KLHL12: variants seen among roughly 807,000 people sequenced by gnomAD.
KLHL12 encodes the protein kelch-like protein 12.
KLHL12 carries 17 observed loss-of-function variants against 60.8 expected under a neutral mutation model. The observed-to-expected ratio is 0.28, with a 90% CI of 0.19 to 0.42. The LOEUF is 0.42. Ranked by LOEUF, KLHL12 falls within the 10% of genes least tolerant of loss-of-function variation. KLHL12 has a pLI of 1.00. For missense variants in KLHL12, 468 were observed against 722.3 expected (o/e 0.65, Z 4.04); for synonymous variants, 220 against 250.9 (o/e 0.88, Z 1.16).
Position 202,899,760 on chromosome 1 carries a change from T to G in KLHL12, c.833-2800A>C, listed in dbSNP as rs550602828. Among the ~76,000 whole-genome samples the G allele has an allele frequency of 1.1e-4, 16 of 151,146 alleles. No homozygotes were observed. The South Asian group carries it at 3.4e-3, about 32-fold the overall frequency. ...AGAATCACTTGAACTGAGGAAGAGGTTGCAGTGAGCCGAGATTGCACCACT... is the reference window on the plus strand; with the variant it reads ...AGAATCACTTGAACTGAGGAAGAGGGTGCAGTGAGCCGAGATTGCACCACT... On this transcript the variant is annotated intron_variant, in intron 6 of 11. Coordinates refer to ENST00000367261, the MANE Select transcript of KLHL12 (RefSeq NM_021633.4).
intron 1 of KLHL12, 84 bp from the exon 2 acceptor site, chr1:202,925,291 C>T: frequency 6.9e-7 from 1 of 1,448,884 alleles, no homozygotes; most frequent in Non-Finnish European, 9.2e-7. Flanking sequence ...AAATTAAGAA[C>T]CTAAGAGGCT....
At chr1:202,894,076 C>A in intron 10 of KLHL12, 108 bp downstream of exon 10, 1 of 617,866 alleles carries the variant, frequency 1.6e-6, no homozygotes, top group African/African-American at 1.8e-5. Context: ...AGGAGGAGAG[C>A]AGAATCTCAT....
At chr1:202,914,664 G>C (rs1041343051) in intron 4 of KLHL12, among the ~76,000 whole-genome samples, 5 of 152,042 alleles carry the variant, frequency 3.3e-5, no homozygotes, top group Non-Finnish European at 5.9e-5. Flanking sequence ...TCAGGAGTTT[G>C]AGACGAGCCT....
chr1:202,920,755 C>T (rs1660672660), intron 2 of KLHL12, among the ~76,000 whole-genome samples: 1 of 152,092 alleles, frequency 6.6e-6, no homozygotes, highest in South Asian at 2.1e-4. Flanking sequence ...ATCTATACGC[C>T]AGGAATAAGT....
chr1:202,897,392 G>A (rs1479340269), intron 6 of KLHL12, among the ~76,000 whole-genome samples: 1 of 150,500 alleles, frequency 6.6e-6, no homozygotes, highest in South Asian at 2.1e-4. Flanking sequence ...GTGCCACCAC[G>A]CCCAGCTAAT....
Position 202,918,454 on chromosome 1 carries a change from T to C in KLHL12, c.350-66A>G, listed in dbSNP as rs1660589815. 2.5e-6 allele frequency: 3 copies of C among 1,210,130 alleles called. No individual in the cohort carries two copies. In the East Asian group the frequency reaches 7.0e-5, roughly 28 times the overall value. The allele number at this position is 1,210,130 out of a possible 1,614,324, so 75.0% of individuals were successfully genotyped here. A position where few individuals can be genotyped will look rare whatever the true frequency, so the allele number is the denominator to read the frequency against. On this transcript the variant is annotated intron_variant, in intron 3 of 11. Coordinates refer to ENST00000367261, the MANE Select transcript of KLHL12 (RefSeq NM_021633.4). ...ACAGGTGTGATCTAGGATATATTCT[T>C]GTATCTCAGCATCTTCTCTACATGT...
intron 11 of KLHL12, 131 bp from the exon 12 acceptor site, chr1:202,892,790 G>C (rs903153718): frequency 1.2e-6 from 1 of 833,232 alleles, no homozygotes; most frequent in African/African-American, 1.7e-5. Context: ...AGACCAGCCT[G>C]GGCAACATGG....
At chr1:202,926,489 T>G (rs1653562075) in intron 1 of KLHL12, among the ~76,000 whole-genome samples, 1 of 152,204 alleles carries the variant, frequency 6.6e-6, no homozygotes, top group African/African-American at 2.4e-5. Flanking sequence ...AAGCGGGTGA[T>G]TCATCAAAGC....
In KLHL12 at chr1:202,893,138, AC is replaced by A; in HGVS notation, c.1580+100del. Reference sequence around the variant, plus strand: ...AATCAAGTTGCCACTGGAGATGTCTACCCCTACCCAAGTCTTGTCTCTGTCC... The same window carrying A: ...AATCAAGTTGCCACTGGAGATGTCTACCCTACCCAAGTCTTGTCTCTGTCC... On this transcript the variant is annotated intron_variant, in intron 11 of 11. Coordinates refer to ENST00000367261, the MANE Select transcript of KLHL12 (RefSeq NM_021633.4). The surrounding 1 kb of genome is among the most constrained non-coding windows in gnomAD (Gnocchi z 4.1). 1.1e-6 allele frequency: 1 copy of A among 905,658 alleles called. No homozygotes were observed. The highest frequency in any genetic ancestry group is 1.8e-5 in the South Asian group (1 of 54,470). The allele number at this position is 905,658 out of a possible 1,614,324, so 56.1% of individuals were successfully genotyped here.
upstream of KLHL12, chr1:202,927,286 T>C (rs1571550228): frequency 5.7e-5 from 56 of 983,612 alleles, 1 homozygote; most frequent in South Asian, 1.7e-3. Flanking sequence ...AGCACCGCCC[T>C]CCCCCCGCTC....
chr1:202,927,587 A>G (rs1227108352), upstream of KLHL12, among the ~76,000 whole-genome samples: 6 of 143,102 alleles, frequency 4.2e-5, no homozygotes, highest in Admixed American at 4.3e-4. Flanking sequence ...AGAGGCTGAC[A>G]GGAGGATCAC....
intron 6 of KLHL12, among the ~76,000 whole-genome samples, chr1:202,901,724 A>G (rs1660013005): frequency 6.6e-6 from 1 of 152,146 alleles, no homozygotes; most frequent in Non-Finnish European, 1.5e-5. Context: ...CAGACTGTCT[A>G]CCAAAGTGAG....
chr1:202,897,767 G>A (rs908142745), intron 6 of KLHL12, among the ~76,000 whole-genome samples: 4 of 150,594 alleles, frequency 2.7e-5, no homozygotes, highest in African/African-American at 9.8e-5. Context: ...AAAGGGTCTC[G>A]CTATATTGCC....
At chr1:202,898,992 G>T (rs1659924054) in intron 6 of KLHL12, among the ~76,000 whole-genome samples, 1 of 151,194 alleles carries the variant, frequency 6.6e-6, no homozygotes. Flanking sequence ...TGACACATAG[G>T]CATGGAATAA....
chr1:202,920,200 G>A (rs903129379), intron 2 of KLHL12, among the ~76,000 whole-genome samples: 2 of 151,796 alleles, frequency 1.3e-5, no homozygotes, highest in Admixed American at 6.6e-5. Context: ...TGTAGTCCCA[G>A]CTACTCAGGA....
intron 7 of KLHL12, 35 bp downstream of exon 7, chr1:202,896,819 C>T (rs1659847824): frequency 6.7e-7 from 1 of 1,485,236 alleles, no homozygotes; most frequent in African/African-American, 1.4e-5. Flanking sequence ...GGACATTTAA[C>T]ATCCCTCCCA....
chr1:202,902,424 C>T (rs765094063), intron 6 of KLHL12, among the ~76,000 whole-genome samples: 6 of 150,444 alleles, frequency 4.0e-5, no homozygotes, highest in Non-Finnish European at 7.4e-5. Context: ...AGCGAGACTC[C>T]GTCCAAAAAA....
intron 4 of KLHL12, among the ~76,000 whole-genome samples, chr1:202,916,447 G>A (rs1189906484): frequency 6.6e-6 from 1 of 152,182 alleles, no homozygotes; most frequent in Non-Finnish European, 1.5e-5. Flanking sequence ...GAGTTCCAGA[G>A]CAGCCTGGCC....
At position 202,904,016 on chromosome 1, in the gene KLHL12, T is replaced by TATCTATCTATC. The variant is rs1553236679; in HGVS notation, c.832+4993_832+4994insGATAGATAGAT. On this transcript the variant is annotated intron_variant, in intron 6 of 11. Coordinates refer to ENST00000367261, the MANE Select transcript of KLHL12 (RefSeq NM_021633.4). Reference sequence around the variant, plus strand: ...TGTATCTATCTATCTATCTATCTATTTATCTATCTATCTATCTATGAGATG... The same window carrying TATCTATCTATC: ...TGTATCTATCTATCTATCTATCTATTATCTATCTATCTATCTATCTATCTATCTATGAGATG... Among the ~76,000 whole-genome samples the TATCTATCTATC allele has an allele frequency of 2.5e-3, 378 of 150,124 alleles. 2 individuals are homozygous for TATCTATCTATC. Among genetic ancestry groups the TATCTATCTATC allele is most frequent in the African/African-American group, 5.5e-3 (219 of 40,170 alleles).
Sources: gnomAD v4.1 joint callset for allele counts (sites outside exome capture counted in the v4.1 genomes callset) on GRCh38, gnomAD v4.1.1 for gene constraint, Gnocchi (gnomAD v3.1) non-coding constraint, MANE v1.5 for transcripts, NCBI Gene and HGNC (gene_info 2026-07-23, HGNC 2026-07-21) for gene names.